Variants in LINGO2 observed in about 807,000 individuals in gnomAD.
The protein encoded by LINGO2 is leucine rich repeat and Ig domain containing 2.
A neutral mutation model predicts 30.6 loss-of-function variants in LINGO2; 14 were observed. The observed-to-expected ratio is 0.46, with a 90% CI of 0.30 to 0.72. LINGO2 has a LOEUF of 0.72. Among genes scored for constraint, LINGO2 ranks in the 30% least tolerant of loss-of-function variants. The pLI is 0.07. For synonymous variants in LINGO2, 317 were observed against 288.5 expected, an observed-to-expected ratio of 1.10 and a Z score of -1.00; for missense variants, 729 against 751.7, an observed-to-expected ratio of 0.97 and a Z score of 0.35.
At chr9:29,077,844 A>G in the LINGO2 span, among the ~76,000 whole-genome samples, 1 of 151,910 alleles carries the variant, frequency 6.6e-6, no homozygotes, top group Non-Finnish European at 1.5e-5. Context: ...TCTAACCTAG[A>G]TATAAATATA....
At chr9:27,950,193 A>G in exon 6 of LINGO2, 1 of 1,614,002 alleles carries the variant, frequency 6.2e-7, no homozygotes, top group Non-Finnish European at 8.5e-7. Context: ...ATTGTCCCCC[A>G]CTTCTAGAGA....
chr9:28,774,923 G>C, the LINGO2 span, among the ~76,000 whole-genome samples: 1 of 152,146 alleles, frequency 6.6e-6, no homozygotes, highest in African/African-American at 2.4e-5. Flanking sequence ...GACTGTTTAT[G>C]TGTTTTGCAT....
At chr9:27,955,471 CCT>C (rs1819517717) in intron 5 of LINGO2, among the ~76,000 whole-genome samples, 2 of 152,314 alleles carry the variant, frequency 1.3e-5, no homozygotes, top group East Asian at 3.9e-4. Flanking sequence ...TCTATCCCAA[CCT>C]CTGTTACCGG....
chr9:28,150,333 T>C (rs1199421106), intron 4 of LINGO2, among the ~76,000 whole-genome samples: 2 of 152,186 alleles, frequency 1.3e-5, no homozygotes, highest in Non-Finnish European at 2.9e-5. Flanking sequence ...CTCCCCAAGT[T>C]TGCATTTTCG....
At chr9:28,809,366 C>G in the LINGO2 span, among the ~76,000 whole-genome samples, 1 of 152,208 alleles carries the variant, frequency 6.6e-6, no homozygotes, top group Non-Finnish European at 1.5e-5. Context: ...TTTTTCCAGA[C>G]TACTGTCATA....
chr9:28,941,984 C>T, the LINGO2 span, among the ~76,000 whole-genome samples: 1 of 152,052 alleles, frequency 6.6e-6, no homozygotes, highest in African/African-American at 2.4e-5. Context: ...CTTTGTTTTG[C>T]TCTCTTGGGA....
chr9:29,055,932 G>A, the LINGO2 span, among the ~76,000 whole-genome samples: 5 of 67,378 alleles, frequency 7.4e-5, 1 homozygote, highest in African/African-American at 2.6e-4. Flanking sequence ...CCATGTGTAT[G>A]TGTGTGTGTA....
Position 28,148,654 on chromosome 9 carries a change from C to T in LINGO2, c.-86-136249G>A, listed in dbSNP as rs1827887983. The T allele has an allele frequency of 2.0e-6, 3 of 1,532,360 alleles. No individual in the cohort carries two copies. In the Admixed American group the frequency reaches 5.9e-5, roughly 30 times the overall value. The allele number at this position is 1,532,360 out of a possible 1,614,324, so 94.9% of individuals were successfully genotyped here. A position where few individuals can be genotyped will look rare whatever the true frequency, so the allele number is the denominator to read the frequency against. On this transcript the variant is annotated intron_variant, in intron 4 of 5. Coordinates refer to ENST00000379992, the Ensembl canonical transcript of LINGO2. This position sits in a 1 kb window ranked among gnomAD's most constrained non-coding sequence, Gnocchi z 5.1. Reference sequence around the variant, plus strand: ...GCTTGACAGAAAACAACCAGACTGACAAGGCCCAGGTGCCTGCAGTGAGTT... The same window carrying T: ...GCTTGACAGAAAACAACCAGACTGATAAGGCCCAGGTGCCTGCAGTGAGTT...
At chr9:29,125,840 T>G in the LINGO2 span, among the ~76,000 whole-genome samples, 1 of 152,136 alleles carries the variant, frequency 6.6e-6, no homozygotes, top group South Asian at 2.1e-4. Flanking sequence ...CTGCCAAAGC[T>G]TATTTTGAGA....
intron 4 of LINGO2, among the ~76,000 whole-genome samples, chr9:28,121,878 T>C (rs147620251): frequency 2.0e-4 from 31 of 152,328 alleles, no homozygotes; most frequent in African/African-American, 7.5e-4. Flanking sequence ...TCAAGCTTGG[T>C]GCTATTAAAA....
chr9:28,259,093 A>T (rs559952584), intron 4 of LINGO2, among the ~76,000 whole-genome samples: 7 of 152,126 alleles, frequency 4.6e-5, no homozygotes, highest in Admixed American at 3.9e-4. Context: ...GCAGACCCTG[A>T]CAAGAAAAGG....
the LINGO2 span, among the ~76,000 whole-genome samples, chr9:28,677,973 C>G: frequency 1.3e-5 from 2 of 151,842 alleles, no homozygotes; most frequent in African/African-American, 4.8e-5. Flanking sequence ...CTGCCACCCC[C>G]ACTCCAAGCT....
At chr9:28,851,021 G>A in the LINGO2 span, among the ~76,000 whole-genome samples, 1 of 151,956 alleles carries the variant, frequency 6.6e-6, no homozygotes, top group Admixed American at 6.6e-5. Context: ...TTAAGAGTGT[G>A]CAAAAAGATA....
At chr9:28,757,415 A>G in the LINGO2 span, among the ~76,000 whole-genome samples, 1 of 152,028 alleles carries the variant, frequency 6.6e-6, no homozygotes, top group East Asian at 1.9e-4. Flanking sequence ...TGGAGCCAGG[A>G]TGGTGTAATG....
At chr9:28,600,407 A>T (rs942042182) in intron 1 of LINGO2, among the ~76,000 whole-genome samples, 10 of 152,224 alleles carry the variant, frequency 6.6e-5, no homozygotes, top group African/African-American at 2.4e-4. Flanking sequence ...TGAATCCACA[A>T]CATTCACTAA....
chr9:28,388,324 A>C (rs776790063), intron 2 of LINGO2, among the ~76,000 whole-genome samples: 9 of 152,240 alleles, frequency 5.9e-5, no homozygotes, highest in East Asian at 1.9e-4. Flanking sequence ...GTTCATGGAC[A>C]TTTGGGCTTT....
the LINGO2 span, among the ~76,000 whole-genome samples, chr9:28,966,636 G>A: frequency 6.6e-6 from 1 of 152,058 alleles, no homozygotes; most frequent in Non-Finnish European, 1.5e-5. Context: ...CTTAGCGTAT[G>A]GTAGAGTTAA....
chr9:28,951,421 A>G, the LINGO2 span, among the ~76,000 whole-genome samples: 1 of 151,926 alleles, frequency 6.6e-6, no homozygotes, highest in African/African-American at 2.4e-5. Flanking sequence ...GAAAGGGAGA[A>G]AGAGGCTTAT....
At chr9:28,637,380 G>T (rs184561552) in intron 1 of LINGO2, among the ~76,000 whole-genome samples, 2 of 152,176 alleles carry the variant, frequency 1.3e-5, no homozygotes, top group Non-Finnish European at 2.9e-5. Context: ...AACTTGATGG[G>T]GATGGCATTG....
Sources: gnomAD v4.1 joint callset for allele counts (sites outside exome capture counted in the v4.1 genomes callset) on GRCh38, gnomAD v4.1.1 for gene constraint, Gnocchi (gnomAD v3.1) non-coding constraint, MANE v1.5 for transcripts, NCBI Gene and HGNC (gene_info 2026-07-23, HGNC 2026-07-21) for gene names.